Variants in CHST12 observed in about 807,000 individuals in gnomAD.
CHST12 encodes the protein carbohydrate sulfotransferase 12, also known as carbohydrate (chondroitin 4) sulfotransferase 12.
A neutral mutation model predicts 27.9 loss-of-function variants in CHST12; 23 were observed. The observed-to-expected ratio is 0.82, with a 90% CI of 0.59 to 1.17. CHST12 has a LOEUF of 1.17. Ranked by LOEUF, CHST12 falls within the 50% of genes most tolerant of loss-of-function variation. The pLI is 0.00. For synonymous variants in CHST12, 322 were observed against 273.0 expected (o/e 1.18, Z -1.77); for missense variants, 682 against 603.0 (o/e 1.13, Z -1.37).
Position 2,441,704 on chromosome 7 carries a change from A to G in CHST12, c.*7820A>G, listed in dbSNP as rs1011384205. On this transcript the variant is annotated 3_prime_UTR_variant, in exon 2 of 2. Coordinates refer to ENST00000618655, the MANE Select transcript of CHST12 (RefSeq NM_018641.5). ...CAAGATCTTGTCTTAAAAAAAAAAA[A>G]AAAAAAAAAGGTGTTGTATTTTATC... 1 of 151,840 alleles carries G rather than the reference A, an allele frequency of 6.6e-6. No individual in the cohort carries two copies. The highest frequency in any genetic ancestry group is 1.9e-4 in the East Asian group (1 of 5,188). 9.4% of individuals were successfully genotyped at this position (151,840 alleles called of 1,614,324 possible). A position where few individuals can be genotyped will look rare whatever the true frequency, so the allele number is the denominator to read the frequency against.
In CHST12 at chr7:2,442,758, C is replaced by G. The variant is rs2115465224; in HGVS notation, c.*8874C>G. 6.5e-6 allele frequency: 1 copy of G among 152,848 alleles called. No homozygotes were observed. The highest frequency in any genetic ancestry group is 3.4e-3 in the Middle Eastern group (1 of 298). 9.5% of individuals were successfully genotyped at this position (152,848 alleles called of 1,614,324 possible). A position where few individuals can be genotyped will look rare whatever the true frequency, so the allele number is the denominator to read the frequency against. The stretch of plus-strand genomic sequence containing the variant: ...GCCCCTTAGGAACTGGACTGCACAG[C>G]AGGAGGTGAGCGGCAGGTGAGCGTG... On this transcript the variant is annotated 3_prime_UTR_variant, in exon 2 of 2. Transcript: ENST00000618655.
intron 1 of CHST12, among the ~76,000 whole-genome samples, chr7:2,406,616 C>T (rs754368869): frequency 6.6e-6 from 1 of 152,040 alleles, no homozygotes; most frequent in Admixed American, 6.6e-5. Flanking sequence ...GGGGCTTTTC[C>T]CTGTAGACAG....
intron 1 of CHST12, among the ~76,000 whole-genome samples, chr7:2,411,955 T>A (rs1781677857): frequency 6.6e-6 from 1 of 152,246 alleles, no homozygotes; most frequent in South Asian, 2.1e-4. Flanking sequence ...TGGACTGGTA[T>A]ACGTGCGTGG....
At chr7:2,408,700 G>C (rs532593540) in intron 1 of CHST12, among the ~76,000 whole-genome samples, 106 of 152,308 alleles carry the variant, frequency 7.0e-4, no homozygotes, top group African/African-American at 2.5e-3. Context: ...CTTGCTCCCA[G>C]ATTTGTTCCT....
At chr7:2,432,237 C>G (rs577371691) in intron 1 of CHST12, among the ~76,000 whole-genome samples, 37 of 146,184 alleles carry the variant, frequency 2.5e-4, no homozygotes, top group African/African-American at 9.3e-4. Flanking sequence ...TGGAGCTGGT[C>G]TCCACTCCCT....
chr7:2,448,198 G>A lies in CHST12; in HGVS notation c.*14314G>A, dbSNP rs192525726. The stretch of plus-strand genomic sequence containing the variant: ...CATATTTTAAATTTGAACAATAAAG[G>A]AACTGGACCAGGAAGTGTGGAGTTG... On this transcript the variant is annotated 3_prime_UTR_variant, in exon 2 of 2. Transcript: ENST00000618655. 23 of 152,372 alleles carry A rather than the reference G, an allele frequency of 1.5e-4. 1 individual carries two copies. The East Asian group carries it at 2.7e-3, about 18-fold the overall frequency. The allele number at this position is 152,372 out of a possible 1,614,324, so 9.4% of individuals were successfully genotyped here. A position where few individuals can be genotyped will look rare whatever the true frequency, so the allele number is the denominator to read the frequency against.
chr7:2,430,563 C>T (rs1409264407), intron 1 of CHST12, among the ~76,000 whole-genome samples: 1 of 152,222 alleles, frequency 6.6e-6, no homozygotes, highest in Admixed American at 6.5e-5. Flanking sequence ...GGTGATCCAC[C>T]TGCCTTGGCC....
At chr7:2,418,972 ATTAT>A (rs144942087) in intron 1 of CHST12, among the ~76,000 whole-genome samples, 29,074 of 152,074 alleles carry the variant, frequency 0.19, 2,806 homozygotes, top group African/African-American at 0.24. Flanking sequence ...AATTTTAAAA[ATTAT>A]TTGTAGACAT....
intron 1 of CHST12, among the ~76,000 whole-genome samples, chr7:2,426,689 GA>G: frequency 6.6e-6 from 1 of 151,784 alleles, no homozygotes; most frequent in Non-Finnish European, 1.5e-5. Context: ...TAACATACAA[GA>G]GTGACAGGAG....
intron 1 of CHST12, among the ~76,000 whole-genome samples, chr7:2,419,166 TGGGA>T (rs1781894524): frequency 6.6e-6 from 1 of 152,150 alleles, no homozygotes; most frequent in Admixed American, 6.5e-5. Context: ...CCCATCACTT[TGGGA>T]GGCCGAGGCA....
intron 1 of CHST12, among the ~76,000 whole-genome samples, chr7:2,410,051 T>A (rs886154210): frequency 2.0e-5 from 3 of 152,296 alleles, no homozygotes; most frequent in African/African-American, 7.2e-5. Flanking sequence ...CAAGCAATTA[T>A]GATTACAGGC....
chr7:2,414,839 T>C (rs1429981202), intron 1 of CHST12, among the ~76,000 whole-genome samples: 2 of 152,232 alleles, frequency 1.3e-5, no homozygotes, highest in East Asian at 1.9e-4. Flanking sequence ...CATGCAGATA[T>C]CCAGTTGTTT....
intron 1 of CHST12, among the ~76,000 whole-genome samples, chr7:2,425,532 A>T (rs936429878): frequency 1.3e-5 from 2 of 152,198 alleles, no homozygotes; most frequent in Non-Finnish European, 2.9e-5. Context: ...CTGGGGATCC[A>T]TGCCCTGTGG....
At chr7:2,421,370 T>C (rs1314346047) in intron 1 of CHST12, among the ~76,000 whole-genome samples, 7 of 149,158 alleles carry the variant, frequency 4.7e-5, no homozygotes, top group African/African-American at 1.7e-4. Context: ...CTCAGCCTCC[T>C]AAGTAGCTGA....
intron 1 of CHST12, among the ~76,000 whole-genome samples, chr7:2,424,886 C>T (rs957423090): frequency 5.3e-5 from 8 of 152,052 alleles, no homozygotes; most frequent in African/African-American, 1.4e-4. Flanking sequence ...AGGGTGCCCC[C>T]GTGGAGGAGC....
intron 1 of CHST12, among the ~76,000 whole-genome samples, chr7:2,418,062 A>T (rs1426943836): frequency 1.3e-5 from 2 of 152,254 alleles, no homozygotes; most frequent in Non-Finnish European, 2.9e-5. Flanking sequence ...CTAAGGCCAT[A>T]GCTGTCTGTG....
rs769115925 is a variant in CHST12, at chr7:2,417,387, CTTTTTTT to C, written c.-78+13728_-78+13734del. 2.3e-5 allele frequency among the ~76,000 whole-genome samples: 3 copies of C among 129,682 alleles called. No individual in the cohort carries two copies. The Admixed American group carries it at 2.4e-4, about 10-fold the overall frequency. 85.1% of individuals were successfully genotyped at this position (129,682 alleles called of 152,430 possible). A position where few individuals can be genotyped will look rare whatever the true frequency, so the allele number is the denominator to read the frequency against. The stretch of plus-strand genomic sequence containing the variant: ...TACAGGTGTGCGCCACCATGTCTGA[CTTTTTTT>C]TTTTTTTTTTTTTGTGATGGAGTCT... On this transcript the variant is annotated intron_variant, in intron 1 of 1. Transcript: ENST00000618655.
At chr7:2,429,000 C>T (rs1319815125) in intron 1 of CHST12, among the ~76,000 whole-genome samples, 2 of 152,196 alleles carry the variant, frequency 1.3e-5, no homozygotes, top group African/African-American at 4.8e-5. Flanking sequence ...TGTAGGCTCT[C>T]CACAAGGGTC....
intron 1 of CHST12, 100 bp from the exon 2 acceptor site, chr7:2,432,463 G>A (rs1008855749): frequency 4.8e-5 from 34 of 714,072 alleles, no homozygotes; most frequent in Non-Finnish European, 7.0e-5. Flanking sequence ...GTGGCCCAGC[G>A]CTCCTGCTCC....
Sources: gnomAD v4.1 joint callset for allele counts (sites outside exome capture counted in the v4.1 genomes callset) on GRCh38, gnomAD v4.1.1 for gene constraint, MANE v1.5 for transcripts, NCBI Gene and HGNC (gene_info 2026-07-23, HGNC 2026-07-21) for gene names.